TASOR2: variants seen among roughly 807,000 people sequenced by gnomAD.
TASOR2 encodes protein TASOR 2.
In TASOR2, 84 loss-of-function variants were observed where a neutral mutation model predicts 199.5. The observed-to-expected ratio is 0.42, with a 90% confidence interval of 0.35 to 0.50. The LOEUF is 0.50. TASOR2 is among the 20% of genes least tolerant of loss of function. The pLI is 0.02. For missense variants in TASOR2, 2,796 were observed against 2,835.9 expected, an observed-to-expected ratio of 0.99 and a Z score of 0.32; for synonymous variants, 1,103 against 1,046.6, an observed-to-expected ratio of 1.05 and a Z score of -1.04.
intron 7 of TASOR2, among the ~76,000 whole-genome samples, 171 bp from the exon 9 acceptor site, chr10:5,724,259 A>G (rs778184237): frequency 6.6e-6 from 1 of 152,180 alleles, no homozygotes; most frequent in Non-Finnish European, 1.5e-5. Flanking sequence ...TAAAATAACT[A>G]TTTTGGTGAT....
rs768025238 is a variant in TASOR2 at position 5,748,967 on chromosome 10, A to G, written c.5546A>G (p.Tyr1849Cys). The change falls in exon 15 of 21, where the codon TAT becomes TGT. Residue 1849 changes from tyrosine (Y) to cysteine (C), a missense_variant. This residue lies in a region of TASOR2 where 1,941 missense variants were observed against 1,924.9 expected (regional missense o/e 1.01). Transcript: ENST00000328090. This position sits in a 1 kb window ranked among gnomAD's most constrained non-coding sequence, Gnocchi z 5.1. ...CCCAGACTGGATTTGGAGGATTCTT[A>G]TACTTTAAGAGGTAGTTACACCAGG... 7 of 1,613,962 alleles carry G rather than the reference A, an allele frequency of 4.3e-6. No homozygotes were observed. In the South Asian group the frequency reaches 4.4e-5, roughly 10 times the overall value.
exon 21 of TASOR2, chr10:5,763,123 G>T: frequency 5.8e-6 from 7 of 1,217,042 alleles, no homozygotes; most frequent in Non-Finnish European, 8.3e-6. Flanking sequence ...ATACACATGT[G>T]AACAGTCTTA....
At position 5,754,833 on chromosome 10, in the gene TASOR2, G is replaced by C. The variant is rs915134901; in HGVS notation, c.6607-1780G>C. ...CCGAGGTGGGCGGATCACAAGGTCAGGAGATTGAGACCTTCCTGGCTAACA... is the reference window on the plus strand; with the variant it reads ...CCGAGGTGGGCGGATCACAAGGTCACGAGATTGAGACCTTCCTGGCTAACA... On this transcript the variant is annotated intron_variant, in intron 15 of 20. Transcript: ENST00000328090. The surrounding 1 kb of genome is among the most constrained non-coding windows in gnomAD (Gnocchi z 4.3). Among the ~76,000 whole-genome samples the C allele has an allele frequency of 6.6e-6, 1 of 151,542 alleles. No individual in the cohort carries two copies. Among genetic ancestry groups the C allele is most frequent in the African/African-American group, 2.4e-5 (1 of 41,232 alleles).
intron 1 of TASOR2, chr10:5,709,465 T>C: frequency 9.4e-7 from 1 of 1,062,880 alleles, no homozygotes; most frequent in Non-Finnish European, 1.2e-6. Flanking sequence ...AACATTTGTT[T>C]CTATAGTAAA....
At position 5,748,035 on chromosome 10, in the gene TASOR2, C is replaced by G. The variant is rs774180479; in HGVS notation, c.4614C>G (p.Phe1538Leu). 1 of 1,614,122 alleles carries G rather than the reference C, an allele frequency of 6.2e-7. No individual in the cohort carries two copies. Among genetic ancestry groups the G allele is most frequent in the Non-Finnish European group, 8.5e-7 (1 of 1,180,034 alleles). ...CAGCTGCCAAATGCACAGGTGACTT[C>G]AGTCCTTCTCCTGAAAAACTGGTAA... Residue 1538 changes from phenylalanine to leucine, a missense_variant, in exon 15 of 21, where the codon TTC (phenylalanine) becomes TTG (leucine). Transcript: ENST00000328090. This position sits in a 1 kb window ranked among gnomAD's most constrained non-coding sequence, Gnocchi z 5.1.
chr10:5,753,745 G>A (rs1037074537), intron 15 of TASOR2, among the ~76,000 whole-genome samples: 2 of 152,038 alleles, frequency 1.3e-5, no homozygotes, highest in Admixed American at 6.6e-5. Context: ...TTGCCATTTC[G>A]GTAAGCAGCA....
intron 11 of TASOR2, among the ~76,000 whole-genome samples, chr10:5,733,813 T>G (rs1319036755): frequency 6.6e-6 from 1 of 152,186 alleles, no homozygotes; most frequent in African/African-American, 2.4e-5. Flanking sequence ...TGCTGAAGAT[T>G]TTAGAAAATG....
chr10:5,749,434 T>C, exon 15 of TASOR2: 1 of 1,614,202 alleles, frequency 6.2e-7, no homozygotes, highest in Non-Finnish European at 8.5e-7. Context: ...TGCCAATGTC[T>C]TTCCAAAGGA....
In TASOR2 at chr10:5,737,727, T is replaced by C. The variant is rs1835829838; in HGVS notation, c.1448-1891T>C. Among the ~76,000 whole-genome samples, 1 of 152,148 alleles carries C rather than the reference T, an allele frequency of 6.6e-6. No homozygotes were observed. Among genetic ancestry groups the C allele is most frequent in the Non-Finnish European group, 1.5e-5 (1 of 68,008 alleles). Reference sequence around the variant, plus strand: ...GTCCAATCTTTCCAATTTGTAAACATGAGAATAGGTAACATCTTGTGTTCC... The same window carrying C: ...GTCCAATCTTTCCAATTTGTAAACACGAGAATAGGTAACATCTTGTGTTCC... On this transcript the variant is annotated intron_variant, in intron 12 of 20. Coordinates refer to ENST00000328090, the Ensembl canonical transcript of TASOR2. This position sits in a 1 kb window ranked among gnomAD's most constrained non-coding sequence, Gnocchi z 4.9.
Position 5,689,808 on chromosome 10 carries a change from C to G in TASOR2, c.-288+4633C>G, listed in dbSNP as rs1044924011. Among the ~76,000 whole-genome samples the G allele has an allele frequency of 3.9e-5, 6 of 152,108 alleles. No individual in the cohort carries two copies. Among genetic ancestry groups the G allele is most frequent in the Non-Finnish European group, 8.8e-5 (6 of 68,026 alleles). On this transcript the variant is annotated intron_variant, in intron 1 of 20. Transcript: ENST00000328090. This position sits in a 1 kb window ranked among gnomAD's most constrained non-coding sequence, Gnocchi z 4.1. ...CTTTTACTCTTCTTTCACTTTGTTT[C>G]CCACAGCTTCCCCAACAGACATACA...
At chr10:5,744,003 A>C (rs1030828565) in intron 14 of TASOR2, 1 of 152,250 alleles carries the variant, frequency 6.6e-6, no homozygotes, top group Non-Finnish European at 1.5e-5. Context: ...TGTTGCTGCT[A>C]GTCATGTGTT....
At chr10:5,713,058 C>A in intron 2 of TASOR2, 140 bp downstream of exon 2, 1 of 410,308 alleles carries the variant, frequency 2.4e-6, no homozygotes, top group Non-Finnish European at 4.2e-6. Flanking sequence ...ATGACAGCAA[C>A]AAAAAAGCCA....
At chr10:5,753,201 ATTG>A (rs1056237567) in intron 15 of TASOR2, among the ~76,000 whole-genome samples, 1 of 152,178 alleles carries the variant, frequency 6.6e-6, no homozygotes, top group African/African-American at 2.4e-5. Flanking sequence ...GTGAAACTCC[ATTG>A]TTGCTAGAGT....
chr10:5,746,577 T>A (rs1316938778), exon 15 of TASOR2: 2 of 1,614,092 alleles, frequency 1.2e-6, no homozygotes, highest in Admixed American at 3.3e-5. Context: ...CGGAACCAAT[T>A]ACTCTCACCT....
At chr10:5,688,435 G>A (rs1588556234) in intron 1 of TASOR2, among the ~76,000 whole-genome samples, 1 of 90,718 alleles carries the variant, frequency 1.1e-5, no homozygotes, top group Admixed American at 1.6e-4. Flanking sequence ...AGACAGTATT[G>A]CTATGTTGCC....
rs1833134440 is a variant in TASOR2, at chr10:5,719,817, AT to A, written c.-99-726del. 6.6e-6 allele frequency among the ~76,000 whole-genome samples: 1 copy of A among 152,180 alleles called. No homozygotes were observed. The highest frequency in any genetic ancestry group is 2.4e-5 in the African/African-American group (1 of 41,446). On this transcript the variant is annotated intron_variant, in intron 3 of 20. Coordinates refer to ENST00000328090, the Ensembl canonical transcript of TASOR2. This position sits in a 1 kb window ranked among gnomAD's most constrained non-coding sequence, Gnocchi z 4.1. ...TGTCATAATAGAAGTATCTCAGTTT[AT>A]AATTTACAACTGATCATAGTTCAGA...
rs56251728 is a variant in TASOR2, at chr10:5,751,481, A to G, written c.6606+1454A>G. Among the ~76,000 whole-genome samples, 26,579 of 152,210 alleles carry G rather than the reference A, an allele frequency of 0.17. 2,621 individuals carry two copies. The highest frequency in any genetic ancestry group is 0.23 in the Admixed American group (3,573 of 15,290). On this transcript the variant is annotated intron_variant, in intron 15 of 20. Coordinates refer to ENST00000328090, the Ensembl canonical transcript of TASOR2. The surrounding 1 kb of genome is among the most constrained non-coding windows in gnomAD (Gnocchi z 5.3). Reference sequence around the variant, plus strand: ...ATTTTGTTTTACTTAAAGGGTTATCATCTGTTTCTTCATTATTTTAATACT... The same window carrying G: ...ATTTTGTTTTACTTAAAGGGTTATCGTCTGTTTCTTCATTATTTTAATACT...
chr10:5,748,729 G>A lies in TASOR2; in HGVS notation c.5308G>A (p.Glu1770Lys). Reference sequence around the variant, plus strand: ...AGACACCAAGGAAAACCTCAGTAAAGAGCCTTTGGCCTCCTTTGTTTCAGA... The same window carrying A: ...AGACACCAAGGAAAACCTCAGTAAAAAGCCTTTGGCCTCCTTTGTTTCAGA... Residue 1770 changes from glutamate to lysine, a missense_variant, in exon 15 of 21, where the codon GAG becomes AAG. Glu to Lys is a moderately conservative substitution (Grantham distance 56). Coordinates refer to ENST00000328090, the Ensembl canonical transcript of TASOR2. The surrounding 1 kb of genome is among the most constrained non-coding windows in gnomAD (Gnocchi z 5.1). The A allele has an allele frequency of 6.2e-7, 1 of 1,614,198 alleles. No individual in the cohort carries two copies. Among genetic ancestry groups the A allele is most frequent in the Non-Finnish European group, 8.5e-7 (1 of 1,180,036 alleles).
intron 16 of TASOR2, among the ~76,000 whole-genome samples, chr10:5,757,309 A>G (rs992756878): frequency 2.0e-5 from 3 of 152,104 alleles, no homozygotes; most frequent in Non-Finnish European, 4.4e-5. Flanking sequence ...CCTTTTTTTA[A>G]TGAACTAATT....
Sources: gnomAD v4.1 joint callset for allele counts (sites outside exome capture counted in the v4.1 genomes callset) on GRCh38, gnomAD v4.1.1 for gene constraint, gnomAD v4.1.1 regional missense constraint, Gnocchi (gnomAD v3.1) non-coding constraint, MANE v1.5 for transcripts, NCBI Gene and HGNC (gene_info 2026-07-23, HGNC 2026-07-21) for gene names.